Variants in PARVA observed in about 807,000 individuals in gnomAD.
PARVA encodes parvin alpha.
Under a neutral mutation model 52.6 loss-of-function variants are expected in PARVA, and 25 were observed. The ratio of observed to expected loss-of-function variants is 0.48; its 90% CI spans 0.35 to 0.66. The LOEUF is 0.66. Among genes scored for constraint, PARVA ranks in the 30% least tolerant of loss-of-function variants. The pLI, the probability that PARVA is intolerant of heterozygous loss-of-function variation, is 0.01. For synonymous variants in PARVA, 185 were observed against 179.1 expected (o/e 1.03, Z -0.26); for missense variants, 373 against 450.9 (o/e 0.83, Z 1.56).
At chr11:12,455,956 T>C (rs960389750) in intron 1 of PARVA, among the ~76,000 whole-genome samples, 1 of 152,230 alleles carries the variant, frequency 6.6e-6, no homozygotes, top group Non-Finnish European at 1.5e-5. Context: ...TGTTCCAAAA[T>C]GTCCTTCAAT....
chr11:12,449,580 A>G (rs192504193), intron 1 of PARVA, among the ~76,000 whole-genome samples: 57 of 152,278 alleles, frequency 3.7e-4, no homozygotes, highest in Non-Finnish European at 6.0e-4. Context: ...CACAGGTTCT[A>G]GCTCCGCATT....
At chr11:12,498,112 C>T (rs755087302) in intron 5 of PARVA, among the ~76,000 whole-genome samples, 1 of 152,212 alleles carries the variant, frequency 6.6e-6, no homozygotes, top group Non-Finnish European at 1.5e-5. Context: ...CAGCTCACTG[C>T]AACCTACGCC....
At chr11:12,450,807 C>T (rs917192178) in intron 1 of PARVA, among the ~76,000 whole-genome samples, 1 of 152,174 alleles carries the variant, frequency 6.6e-6, no homozygotes, top group African/African-American at 2.4e-5. Context: ...GCATCCAGCA[C>T]AGGAGAAAGA....
At chr11:12,518,423 C>A in intron 11 of PARVA, 22 bp from the exon 12 acceptor site, 1 of 1,598,120 alleles carries the variant, frequency 6.3e-7, no homozygotes, top group Non-Finnish European at 8.6e-7. Context: ...ATGGTACATG[C>A]TGTCTGCATC....
At chr11:12,504,193 T>G in intron 5 of PARVA, 121 bp from the exon 6 acceptor site, 1 of 642,400 alleles carries the variant, frequency 1.6e-6, no homozygotes, top group Non-Finnish European at 2.8e-6. Flanking sequence ...CAGCATGAGA[T>G]TTGGGCAGGG....
chr11:12,395,449 C>T (rs1015655393), intron 1 of PARVA, among the ~76,000 whole-genome samples: 3 of 152,224 alleles, frequency 2.0e-5, no homozygotes, highest in South Asian at 4.2e-4. Context: ...CCGGGAGAAT[C>T]GGGCTGCTGA....
intron 1 of PARVA, chr11:12,453,122 G>C (rs1940647032): frequency 2.3e-6 from 1 of 442,614 alleles, no homozygotes. Flanking sequence ...GCTCGTCTCT[G>C]GGGTTTGAGT....
intron 3 of PARVA, among the ~76,000 whole-genome samples, chr11:12,474,334 T>C (rs181630844): frequency 6.6e-6 from 1 of 152,062 alleles, no homozygotes; most frequent in Admixed American, 6.5e-5. Flanking sequence ...ATTTTCCAGA[T>C]GACAAAATCA....
In PARVA at chr11:12,504,352, C is replaced by G. The variant is rs1192602623; in HGVS notation, c.580C>G (p.Leu194Val). The part of the protein sequence containing the change: ...AKSLVAILHL[L>V]VALSQYFRAP... ...GAGCCTGGTGGCCATCTTACACCTG[C>G]TCGTTGCTCTGTCTCAGTATTTCCG... Residue 194 changes from leucine (L) to valine (V), a missense_variant, in exon 6 of 13, where the codon CTC becomes GTC. Coordinates refer to ENST00000334956, the MANE Select transcript of PARVA (RefSeq NM_018222.5). 5 of 1,613,688 alleles carry G rather than the reference C, an allele frequency of 3.1e-6. No individual in the cohort carries two copies. In the South Asian group the frequency reaches 5.5e-5, roughly 18 times the overall value.
chr11:12,471,556 C>T (rs541236692), intron 1 of PARVA, among the ~76,000 whole-genome samples: 59 of 151,174 alleles, frequency 3.9e-4, no homozygotes, highest in Non-Finnish European at 6.9e-4. Flanking sequence ...TAATTTGCAG[C>T]GACGTGGATG....
At chr11:12,505,112 G>A (rs868313441) in intron 6 of PARVA, among the ~76,000 whole-genome samples, 13 of 152,212 alleles carry the variant, frequency 8.5e-5, no homozygotes, top group Admixed American at 4.6e-4. Context: ...ATCTCACTCC[G>A]CTCCTAACCC....
chr11:12,403,418 T>C (rs147096003), intron 1 of PARVA, among the ~76,000 whole-genome samples: 2 of 152,306 alleles, frequency 1.3e-5, no homozygotes, highest in East Asian at 1.9e-4. Context: ...ATGGTGATGA[T>C]AGGAGGCCCC....
chr11:12,381,520 A>C (rs1170834515), intron 1 of PARVA, among the ~76,000 whole-genome samples: 1 of 152,126 alleles, frequency 6.6e-6, no homozygotes, highest in Non-Finnish European at 1.5e-5. Context: ...AATATAGTTG[A>C]CCCTTGAACT....
chr11:12,494,097 C>CA (rs1941265924), intron 4 of PARVA, among the ~76,000 whole-genome samples: 1 of 152,208 alleles, frequency 6.6e-6, no homozygotes, highest in Admixed American at 6.5e-5. Context: ...GGATAAAACT[C>CA]AAAATCAGCC....
At chr11:12,465,571 C>G in intron 1 of PARVA, among the ~76,000 whole-genome samples, 1 of 152,122 alleles carries the variant, frequency 6.6e-6, no homozygotes, top group Non-Finnish European at 1.5e-5. Flanking sequence ...TCTTTTTACT[C>G]TCTCTAGTTT....
chr11:12,498,992 G>A (rs187577760), intron 5 of PARVA, among the ~76,000 whole-genome samples: 1 of 152,260 alleles, frequency 6.6e-6, no homozygotes, highest in Admixed American at 6.5e-5. Flanking sequence ...ATTTCATAGG[G>A]TAGATATCCC....
chr11:12,509,883 C>G (rs1589985907), intron 7 of PARVA, among the ~76,000 whole-genome samples: 1 of 152,300 alleles, frequency 6.6e-6, no homozygotes, highest in African/African-American at 2.4e-5. Context: ...CCACCCCTCC[C>G]CTATGCTGGG....
intron 1 of PARVA, among the ~76,000 whole-genome samples, chr11:12,382,328 G>A (rs1939502820): frequency 6.6e-6 from 1 of 151,372 alleles, no homozygotes; most frequent in Admixed American, 6.6e-5. Context: ...TAAATGAGAA[G>A]GCAGACAAGT....
At chr11:12,384,732 G>A (rs61875415) in intron 1 of PARVA, among the ~76,000 whole-genome samples, 17,417 of 152,050 alleles carry the variant, frequency 0.11, 1,238 homozygotes, top group Non-Finnish European at 0.16. Context: ...GGCAGGTGTG[G>A]ACCTGGTACA....
Sources: allele counts gnomAD v4.1 joint callset (sites outside exome capture counted in the v4.1 genomes callset), GRCh38; gene constraint gnomAD v4.1.1; transcripts MANE v1.5; gene names NCBI Gene and HGNC (gene_info 2026-07-23, HGNC 2026-07-21).